RRBP1: variants seen among roughly 807,000 people sequenced by gnomAD.
RRBP1 encodes ribosome-binding protein 1.
Under a neutral mutation model 165.2 loss-of-function variants are expected in RRBP1, and 94 were observed. The observed-to-expected ratio is 0.57, with a 90% confidence interval of 0.48 to 0.68. The LOEUF (loss-of-function observed/expected upper bound fraction) is 0.68. Among genes scored for constraint, RRBP1 ranks in the 30% least tolerant of loss-of-function variants. The pLI, the probability that RRBP1 is intolerant of heterozygous loss-of-function variation, is 0.00. For synonymous variants in RRBP1, 680 were observed against 714.5 expected (o/e 0.95, Z 0.77); for missense variants, 1,676 against 1,763.0 (o/e 0.95, Z 0.88).
At chr20:17,639,894 C>CAAA (rs11476981) in intron 5 of RRBP1, among the ~76,000 whole-genome samples, 2 of 98,792 alleles carry the variant, frequency 2.0e-5, no homozygotes, top group Admixed American at 1.0e-4. Flanking sequence ...ACTCCAGTCT[C>CAAA]AAAAAAAAAA....
chr20:17,649,855 G>A lies in RRBP1; in HGVS notation c.1913-6728C>T, dbSNP rs541582144. Among the ~76,000 whole-genome samples the A allele has an allele frequency of 7.9e-5, 12 of 152,230 alleles. No individual in the cohort carries two copies. The South Asian group carries it at 2.5e-3, about 32-fold the overall frequency. Reference sequence around the variant, plus strand: ...AGCTCACAGGCCCCCTCCCACCACGGCACTGCCAGGCTCCAGAATGTGGGA... The same window carrying A: ...AGCTCACAGGCCCCCTCCCACCACGACACTGCCAGGCTCCAGAATGTGGGA... On this transcript the variant is annotated intron_variant, in intron 3 of 24. Transcript: ENST00000377813.
At chr20:17,629,778 C>G (rs2036110754) in intron 9 of RRBP1, 45 bp downstream of exon 9, 1 of 1,564,602 alleles carries the variant, frequency 6.4e-7, no homozygotes, top group East Asian at 2.3e-5. Context: ...CATGCAGACC[C>G]AGCACCCTGC....
chr20:17,648,291 C>G (rs1438690706), intron 3 of RRBP1, among the ~76,000 whole-genome samples: 1 of 152,190 alleles, frequency 6.6e-6, no homozygotes, highest in Non-Finnish European at 1.5e-5. Flanking sequence ...TTTATGAGAC[C>G]CTGGAGGAAA....
At chr20:17,635,710 C>T in intron 6 of RRBP1, 46 bp from the exon 7 acceptor site, 1 of 1,428,792 alleles carries the variant, frequency 7.0e-7, no homozygotes, top group South Asian at 1.1e-5. Context: ...CGGCCTCACA[C>T]ACAGAACTGA....
At chr20:17,616,116 C>G in intron 21 of RRBP1, 107 bp from the exon 22 acceptor site, 1 of 921,858 alleles carries the variant, frequency 1.1e-6, no homozygotes, top group Non-Finnish European at 1.6e-6. Context: ...CTTCCCCTTT[C>G]CCTGCCCCAA....
intron 2 of RRBP1, among the ~76,000 whole-genome samples, chr20:17,664,395 C>T (rs2036828239): frequency 6.6e-6 from 1 of 152,186 alleles, no homozygotes; most frequent in African/African-American, 2.4e-5. Flanking sequence ...CAGCTTTCTG[C>T]TGGTAACTGA....
At chr20:17,630,856 C>T (rs894899129) in intron 8 of RRBP1, among the ~76,000 whole-genome samples, 10 of 152,250 alleles carry the variant, frequency 6.6e-5, no homozygotes, top group Admixed American at 6.5e-5. Context: ...AGTTATCCCT[C>T]GTCAATGCCT....
intron 8 of RRBP1, among the ~76,000 whole-genome samples, chr20:17,630,649 A>G (rs377764389): frequency 5.9e-5 from 9 of 152,282 alleles, no homozygotes; most frequent in African/African-American, 2.2e-4. Flanking sequence ...GCTCCACAGG[A>G]CACCCTCATC....
At position 17,654,079 on chromosome 20, in the gene RRBP1, C is replaced by A. The variant is rs1453340544; in HGVS notation, c.1912+4517G>T. 3.3e-5 allele frequency among the ~76,000 whole-genome samples: 5 copies of A among 152,318 alleles called. No homozygotes were observed. The South Asian group carries it at 1.0e-3, about 32-fold the overall frequency. ...CTGACCACTGCACTAAAGGACACAA[C>A]AAAAGGACAGGGCTCTCCACCCCAA... On this transcript the variant is annotated intron_variant, in intron 3 of 24. Transcript: ENST00000377813.
Position 17,621,681 on chromosome 20 carries a change from C to G in RRBP1, c.3324+9G>C, listed in dbSNP as rs370872945. 11 of 1,613,044 alleles carry G rather than the reference C, an allele frequency of 6.8e-6. No homozygotes were observed. The highest frequency in any genetic ancestry group is 9.3e-6 in the Non-Finnish European group (11 of 1,179,710). ...CAACAGAGGAGCCTTGCCAGGCAGC[C>G]ACACTTACCGAGGAGGGCTCCGCGG... On this transcript the variant is annotated intron_variant, in intron 15 of 24. Coordinates refer to ENST00000377813, the MANE Select transcript of RRBP1 (RefSeq NM_001365613.2).
chr20:17,624,606 C>G lies in RRBP1; in HGVS notation c.3117G>C (p.Lys1039Asn). 6.3e-7 allele frequency: 1 copy of G among 1,593,478 alleles called. No individual in the cohort carries two copies. The highest frequency in any genetic ancestry group is 8.5e-7 in the Non-Finnish European group (1 of 1,170,398). Reference protein sequence around the residue: ...EALATAEQACKEKLLSLTQAK... With the variant: ...EALATAEQACNEKLLSLTQAK... ...CCTGGGTCAGGGAGAGCAGCTTCTCCTTGCAGGCCTGCTCGGCCGTGGCCA... is the reference window on the plus strand; with the variant it reads ...CCTGGGTCAGGGAGAGCAGCTTCTCGTTGCAGGCCTGCTCGGCCGTGGCCA... The change falls in exon 13 of 25, where the codon AAG becomes AAC. Residue 1039 changes from lysine (K) to asparagine (N), a missense_variant. Around this residue, in one of 5 missense-constraint regions of RRBP1, gnomAD observed 1,184 missense variants for 1,167.1 expected, o/e 1.01. Transcript: ENST00000377813.
intron 5 of RRBP1, among the ~76,000 whole-genome samples, chr20:17,638,277 G>T (rs2122343341): frequency 6.6e-6 from 1 of 152,348 alleles, no homozygotes; most frequent in Middle Eastern, 3.4e-3. Flanking sequence ...CGACACAACG[G>T]CCCTTCCAAG....
At chr20:17,624,920 C>G (rs1360171363) in intron 12 of RRBP1, among the ~76,000 whole-genome samples, 11 of 152,220 alleles carry the variant, frequency 7.2e-5, no homozygotes, top group Admixed American at 6.5e-4. Flanking sequence ...AAAGACACCA[C>G]TAGCCAAAGG....
At chr20:17,632,742 G>A (rs1435019644) in intron 8 of RRBP1, among the ~76,000 whole-genome samples, 1 of 152,166 alleles carries the variant, frequency 6.6e-6, no homozygotes, top group Non-Finnish European at 1.5e-5. Context: ...ACAGCCCTAT[G>A]TGGGGTCCAC....
At chr20:17,635,965 G>T (rs1174642468) in intron 6 of RRBP1, among the ~76,000 whole-genome samples, 2 of 152,192 alleles carry the variant, frequency 1.3e-5, no homozygotes, top group African/African-American at 4.8e-5. Flanking sequence ...CTGCCTCCAA[G>T]GTCACATGGT....
intron 23 of RRBP1, 72 bp from the exon 24 acceptor site, chr20:17,614,952 A>G: frequency 6.5e-7 from 1 of 1,538,730 alleles, no homozygotes; most frequent in Non-Finnish European, 8.9e-7. Context: ...TGCCCACAGG[A>G]CCCTGACGCC....
intron 3 of RRBP1, among the ~76,000 whole-genome samples, chr20:17,657,131 ATCCCCAGCTTTGAATC>A (rs2036659032): frequency 6.6e-6 from 1 of 152,244 alleles, no homozygotes; most frequent in African/African-American, 2.4e-5. Flanking sequence ...TCTCAGCTCC[ATCCCCAGCTTTGAATC>A]AAGTGGAACA....
chr20:17,650,187 C>T (rs2036530192), intron 3 of RRBP1, among the ~76,000 whole-genome samples: 1 of 151,626 alleles, frequency 6.6e-6, no homozygotes, highest in African/African-American at 2.4e-5. Context: ...TATAGAAAAA[C>T]TGGAAAATGC....
rs972710311 is a variant in RRBP1 at position 17,627,524 on chromosome 20, G to A, written c.2908C>T (p.Arg970Trp). The A allele has an allele frequency of 5.0e-6, 8 of 1,611,288 alleles. No individual in the cohort carries two copies. Among genetic ancestry groups the A allele is most frequent in the African/African-American group, 1.3e-5 (1 of 74,868 alleles). The change falls in exon 10 of 25, where the codon CGG becomes TGG. Residue 970 changes from arginine to tryptophan, a missense_variant. Physicochemically the swap from Arg to Trp is moderately radical, Grantham distance 101. Around this residue, in one of 5 missense-constraint regions of RRBP1, gnomAD observed 1,184 missense variants for 1,167.1 expected, o/e 1.01. Coordinates refer to ENST00000377813, the MANE Select transcript of RRBP1 (RefSeq NM_001365613.2). ...IEALLEAGQA[R>W]DAQDVQASQA... ...CTGACCTGGACGTCCTGGGCATCCC[G>A]CGCCTGGCCCGCCTCCAGCAGGGCC...
Sources: allele counts gnomAD v4.1 joint callset (sites outside exome capture counted in the v4.1 genomes callset), GRCh38; gene constraint gnomAD v4.1.1; regional missense constraint gnomAD v4.1.1; transcripts MANE v1.5; gene names NCBI Gene and HGNC (gene_info 2026-07-23, HGNC 2026-07-21).